Variants in CARMIL1 observed in about 807,000 individuals in gnomAD.
CARMIL1 encodes F-actin-uncapping protein LRRC16A.
In CARMIL1, 90 loss-of-function variants were observed where a neutral mutation model predicts 177.1. The ratio of observed to expected loss-of-function variants is 0.51; its 90% confidence interval spans 0.43 to 0.61. The LOEUF (loss-of-function observed/expected upper bound fraction) is 0.61, where lower values mean the gene tolerates loss of function less well. CARMIL1 is among the 20% of genes least tolerant of loss of function. The pLI is 0.00. For synonymous variants in CARMIL1, 577 were observed against 606.2 expected (o/e 0.95, Z 0.71); for missense variants, 1,380 against 1,667.0 (o/e 0.83, Z 3.00).
chr6:25,287,742 A>G (rs1218868518), intron 2 of CARMIL1, among the ~76,000 whole-genome samples: 1 of 152,204 alleles, frequency 6.6e-6, no homozygotes, highest in Non-Finnish European at 1.5e-5. Context: ...AACAGCTGGG[A>G]TTCGAACCCA....
chr6:25,556,908 T>G, intron 29 of CARMIL1, 58 bp downstream of exon 29: 4 of 1,479,912 alleles, frequency 2.7e-6, no homozygotes, highest in Non-Finnish European at 3.6e-6. Context: ...GCCATTGTTT[T>G]TTTTTTTTTT....
intron 2 of CARMIL1, among the ~76,000 whole-genome samples, chr6:25,409,750 T>C (rs1188505082): frequency 1.3e-5 from 2 of 152,184 alleles, no homozygotes; most frequent in African/African-American, 2.4e-5. Flanking sequence ...GCGAGTACCA[T>C]GTATATACTG....
intron 2 of CARMIL1, among the ~76,000 whole-genome samples, chr6:25,374,891 C>CCTGG (rs1401656947): frequency 1.3e-5 from 2 of 152,146 alleles, no homozygotes; most frequent in Admixed American, 6.5e-5. Flanking sequence ...CACCACTTTA[C>CCTGG]CTGGAGTCTA....
At chr6:25,403,469 A>G (rs1794068343) in intron 2 of CARMIL1, among the ~76,000 whole-genome samples, 1 of 152,178 alleles carries the variant, frequency 6.6e-6, no homozygotes, top group African/African-American at 2.4e-5. Flanking sequence ...CAGTGTGGAC[A>G]ACAGCCAATA....
chr6:25,411,764 G>C (rs1020073286), intron 2 of CARMIL1, among the ~76,000 whole-genome samples: 1 of 152,144 alleles, frequency 6.6e-6, no homozygotes, highest in Non-Finnish European at 1.5e-5. Flanking sequence ...CTAAACATCC[G>C]AATAGAAAAC....
rs554424982 is a variant in CARMIL1 at position 25,333,763 on chromosome 6, G to A, written c.138+48854G>A. On this transcript the variant is annotated intron_variant, in intron 2 of 36. Coordinates refer to ENST00000329474, the MANE Select transcript of CARMIL1 (RefSeq NM_017640.6). ...TTTTTTTGTAGTCATAGTGGGGATG[G>A]GTGAGTTGTTCTTTATTTCTGGCAA... is the stretch of plus-strand genomic sequence containing the variant. Among the ~76,000 whole-genome samples, 7 of 152,194 alleles carry A rather than the reference G, an allele frequency of 4.6e-5. No homozygotes were observed. In the East Asian group the frequency reaches 7.7e-4, roughly 17 times the overall value.
intron 35 of CARMIL1, among the ~76,000 whole-genome samples, chr6:25,609,465 CA>C (rs11399080): frequency 9.0e-4 from 124 of 137,020 alleles, no homozygotes; most frequent in Admixed American, 1.1e-3. Flanking sequence ...GACTCCATCT[CA>C]AAAAAAAAAA....
chr6:25,330,954 T>TAA (rs1001088984), intron 2 of CARMIL1, among the ~76,000 whole-genome samples: 2 of 147,108 alleles, frequency 1.4e-5, no homozygotes, highest in African/African-American at 5.0e-5. Flanking sequence ...GTAATTTTGC[T>TAA]AAAAGTTTCC....
intron 20 of CARMIL1, among the ~76,000 whole-genome samples, chr6:25,513,292 G>A (rs994842167): frequency 6.6e-6 from 1 of 152,172 alleles, no homozygotes; most frequent in South Asian, 2.1e-4. Context: ...AGTGTTTTTA[G>A]TTGTCATTTC....
In CARMIL1 at chr6:25,358,908, T is replaced by C. The variant is rs553669341; in HGVS notation, c.139-61206T>C. On this transcript the variant is annotated intron_variant, in intron 2 of 36. Transcript: ENST00000329474. ...TCATGTGAATGAAGGCATTGCACTGTAGAAATATCTTACTATAACAATTTT... is the reference window on the plus strand; with the variant it reads ...TCATGTGAATGAAGGCATTGCACTGCAGAAATATCTTACTATAACAATTTT... 2.0e-4 allele frequency among the ~76,000 whole-genome samples: 30 copies of C among 152,364 alleles called. No individual in the cohort carries two copies. The South Asian group carries it at 4.3e-3, about 22-fold the overall frequency.
chr6:25,510,831 G>C, intron 20 of CARMIL1, 69 bp downstream of exon 20: 11 of 873,476 alleles, frequency 1.3e-5, no homozygotes, highest in Non-Finnish European at 2.0e-5. Context: ...TATTTCTACT[G>C]GATTAATGCT....
chr6:25,486,167 G>A (rs1236139448), intron 12 of CARMIL1, among the ~76,000 whole-genome samples: 1 of 152,160 alleles, frequency 6.6e-6, no homozygotes, highest in Non-Finnish European at 1.5e-5. Flanking sequence ...AGAAAGGCAT[G>A]TAAATGTGTT....
At chr6:25,500,612 C>T (rs1415318899) in intron 17 of CARMIL1, among the ~76,000 whole-genome samples, 2 of 151,898 alleles carry the variant, frequency 1.3e-5, no homozygotes, top group South Asian at 2.1e-4. Context: ...TTTTGTAGAG[C>T]GTGAAAGAGA....
intron 29 of CARMIL1, chr6:25,563,492 G>T: frequency 2.0e-6 from 2 of 985,416 alleles, no homozygotes; most frequent in Non-Finnish European, 2.4e-6. Context: ...CCCAGGTGAT[G>T]GGGTAAAAGA....
rs569678654 is a variant in CARMIL1 at position 25,436,016 on chromosome 6, A to G, written c.371+412A>G. ...AGTGCTTTATTTTCTTTGCTTTTTT[A>G]TTTTCAGGAACAAGAAACCTAAAAA... On this transcript the variant is annotated intron_variant, in intron 5 of 36. Coordinates refer to ENST00000329474, the MANE Select transcript of CARMIL1 (RefSeq NM_017640.6). Among the ~76,000 whole-genome samples, 8 of 152,204 alleles carry G rather than the reference A, an allele frequency of 5.3e-5. No individual in the cohort carries two copies. In the South Asian group the frequency reaches 8.3e-4, roughly 16 times the overall value.
intron 2 of CARMIL1, among the ~76,000 whole-genome samples, chr6:25,383,339 T>C (rs1791789983): frequency 6.6e-6 from 1 of 152,152 alleles, no homozygotes. Flanking sequence ...TAAAGTTTTT[T>C]TGAAGTGAAA....
At chr6:25,369,379 G>GTTTTTTTTTTTTTTTTTTTTTTTTT (rs5875032) in intron 2 of CARMIL1, among the ~76,000 whole-genome samples, 1 of 140,852 alleles carries the variant, frequency 7.1e-6, no homozygotes, top group Non-Finnish European at 1.5e-5. Context: ...GCTGTATTTT[G>GTTTTTTTTTTTTTTTTTTTTTTTTT]TTTTTTTTTT....
intron 2 of CARMIL1, among the ~76,000 whole-genome samples, chr6:25,321,721 C>T (rs1467358712): frequency 5.9e-5 from 9 of 151,416 alleles, no homozygotes; most frequent in Admixed American, 1.3e-4. Context: ...TGCAGTGGTG[C>T]GATCTCAGCT....
At chr6:25,426,623 A>G in intron 4 of CARMIL1, 63 bp downstream of exon 4, 1 of 1,461,356 alleles carries the variant, frequency 6.8e-7, no homozygotes, top group South Asian at 1.2e-5. Flanking sequence ...AAACCCTAAA[A>G]TGTTCCTTGA....
Sources: allele counts gnomAD v4.1 joint callset (sites outside exome capture counted in the v4.1 genomes callset), GRCh38; gene constraint gnomAD v4.1.1; transcripts MANE v1.5; gene names NCBI Gene and HGNC (gene_info 2026-07-23, HGNC 2026-07-21).